PGM5: variants seen among roughly 807,000 people sequenced by gnomAD.
PGM5 encodes the protein phosphoglucomutase-like protein 5.
PGM5 carries 23 observed loss-of-function variants against 59.2 expected under a neutral mutation model. The observed-to-expected ratio is 0.39, with a 90% CI of 0.28 to 0.55. The LOEUF is 0.55. PGM5 is among the 20% of genes least tolerant of loss of function. The pLI is 0.66. For synonymous variants in PGM5, 214 were observed against 286.0 expected (o/e 0.75, Z 2.54); for missense variants, 574 against 748.3 (o/e 0.77, Z 2.72).
chr9:68,527,629 A>G (rs914781840), intron 10 of PGM5, among the ~76,000 whole-genome samples: 2 of 152,210 alleles, frequency 1.3e-5, no homozygotes, highest in Non-Finnish European at 2.9e-5. Flanking sequence ...ATTAAGAGGA[A>G]AAGAATCCCT....
chr9:68,423,277 T>C (rs576750219), intron 6 of PGM5, among the ~76,000 whole-genome samples: 28 of 152,358 alleles, frequency 1.8e-4, no homozygotes, highest in Non-Finnish European at 3.1e-4. Flanking sequence ...AGTTCTACTT[T>C]TAGTTCTTTA....
At chr9:68,517,007 G>A (rs1205458801) in intron 10 of PGM5, among the ~76,000 whole-genome samples, 1 of 151,582 alleles carries the variant, frequency 6.6e-6, no homozygotes, top group East Asian at 1.9e-4. Flanking sequence ...GAGAAGCCGG[G>A]ACTACAGGCA....
At chr9:68,517,225 G>C (rs1488484051) in intron 10 of PGM5, among the ~76,000 whole-genome samples, 1 of 152,026 alleles carries the variant, frequency 6.6e-6, no homozygotes, top group Non-Finnish European at 1.5e-5. Flanking sequence ...TCCATGCTGA[G>C]AGTTTGCATC....
chr9:68,448,686 T>C (rs1157453492), intron 6 of PGM5, among the ~76,000 whole-genome samples: 2 of 152,198 alleles, frequency 1.3e-5, no homozygotes, highest in African/African-American at 4.8e-5. Flanking sequence ...GAGATCATTG[T>C]TCAATCAATA....
chr9:68,432,824 A>G (rs1162340253), intron 6 of PGM5, among the ~76,000 whole-genome samples: 3 of 152,096 alleles, frequency 2.0e-5, no homozygotes, highest in Non-Finnish European at 4.4e-5. Flanking sequence ...CCAGGCTGGT[A>G]TCGAACTCCT....
intron 1 of PGM5, among the ~76,000 whole-genome samples, chr9:68,376,855 T>TTC (rs1821925186): frequency 3.5e-5 from 5 of 142,066 alleles, no homozygotes; most frequent in African/African-American, 1.3e-4. Context: ...TTCTTTCTCT[T>TTC]TCTTTCTTTT....
chr9:68,363,946 A>G (rs1180720194), intron 1 of PGM5, among the ~76,000 whole-genome samples: 3 of 152,350 alleles, frequency 2.0e-5, no homozygotes, highest in Non-Finnish European at 4.4e-5. Flanking sequence ...ATAAAGGTGT[A>G]TGGTCAACTG....
intron 6 of PGM5, among the ~76,000 whole-genome samples, chr9:68,415,779 A>ATATCTATC (rs782447993): frequency 0.23 from 7,542 of 33,248 alleles, 1,605 homozygotes; most frequent in East Asian, 0.53. Flanking sequence ...AAGGCAGGGA[A>ATATCTATC]TATCTATCTA....
chr9:68,530,123 G>T lies in PGM5; in HGVS notation c.*467G>T, dbSNP rs576967628. The T allele has an allele frequency of 3.9e-5, 6 of 154,332 alleles. No homozygotes were observed. The highest frequency in any genetic ancestry group is 1.3e-4 in the Admixed American group (2 of 15,330). 9.6% of individuals were successfully genotyped at this position (154,332 alleles called of 1,614,324 possible). A position where few individuals can be genotyped will look rare whatever the true frequency, so the allele number is the denominator to read the frequency against. On this transcript the variant is annotated 3_prime_UTR_variant, in exon 11 of 11. Coordinates refer to ENST00000396396, the MANE Select transcript of PGM5 (RefSeq NM_021965.4). ...GGTTTATCTTTTCATCCTAGGTCAG[G>T]TCTACAATGGGGGAAGGTTTTATTA...
At chr9:68,429,729 T>C (rs1823310273) in intron 6 of PGM5, among the ~76,000 whole-genome samples, 3 of 152,268 alleles carry the variant, frequency 2.0e-5, no homozygotes, top group Non-Finnish European at 4.4e-5. Flanking sequence ...TCCTGACATC[T>C]GGAGAACAGG....
intron 1 of PGM5, among the ~76,000 whole-genome samples, chr9:68,363,198 CT>C (rs1834614672): frequency 6.6e-6 from 1 of 152,336 alleles, no homozygotes; most frequent in East Asian, 1.9e-4. Context: ...AGTCTTCTTT[CT>C]CTGGAGATGA....
At chr9:68,491,659 G>A (rs1279352368) in intron 9 of PGM5, among the ~76,000 whole-genome samples, 2 of 152,098 alleles carry the variant, frequency 1.3e-5, no homozygotes, top group Non-Finnish European at 2.9e-5. Flanking sequence ...GTCCTCTGAA[G>A]GCCAAACGCA....
At chr9:68,382,160 C>T (rs1398329219) in intron 2 of PGM5, among the ~76,000 whole-genome samples, 3 of 151,486 alleles carry the variant, frequency 2.0e-5, no homozygotes, top group Non-Finnish European at 4.4e-5. Flanking sequence ...ATGATACTGG[C>T]ATAAAAACAG....
chr9:68,421,861 A>C (rs1823136170), intron 6 of PGM5, among the ~76,000 whole-genome samples: 4 of 152,108 alleles, frequency 2.6e-5, no homozygotes, highest in Admixed American at 1.3e-4. Flanking sequence ...GAAGAAAGAT[A>C]ATGTAGAATC....
intron 1 of PGM5, among the ~76,000 whole-genome samples, chr9:68,376,217 A>G (rs1241839359): frequency 6.6e-6 from 1 of 152,194 alleles, no homozygotes; most frequent in Non-Finnish European, 1.5e-5. Flanking sequence ...TCCACTGTTT[A>G]AAACCTTTCA....
chr9:68,402,477 G>C (rs1822698729), intron 6 of PGM5: 1 of 152,152 alleles, frequency 6.6e-6, no homozygotes, highest in Non-Finnish European at 1.5e-5. Flanking sequence ...AATAAACATT[G>C]GTTAGGTTCA....
chr9:68,362,204 C>T (rs2770900), intron 1 of PGM5, among the ~76,000 whole-genome samples: 40 of 151,476 alleles, frequency 2.6e-4, no homozygotes, highest in African/African-American at 3.9e-4. Context: ...TAGTTCCTTC[C>T]GGGAAGGCAG....
chr9:68,409,287 C>T, intron 6 of PGM5, among the ~76,000 whole-genome samples: 1 of 139,342 alleles, frequency 7.2e-6, no homozygotes, highest in South Asian at 2.7e-4. Context: ...GGACTGTAAA[C>T]TAGTTCAACC....
intron 6 of PGM5, among the ~76,000 whole-genome samples, chr9:68,430,450 C>T (rs1454197399): frequency 1.3e-5 from 2 of 152,186 alleles, no homozygotes; most frequent in South Asian, 2.1e-4. Flanking sequence ...GTAATTATAC[C>T]ATTCACATAA....
Sources: gnomAD v4.1 joint callset for allele counts (sites outside exome capture counted in the v4.1 genomes callset) on GRCh38, gnomAD v4.1.1 for gene constraint, MANE v1.5 for transcripts, NCBI Gene and HGNC (gene_info 2026-07-23, HGNC 2026-07-21) for gene names.